GALK2: variants seen among roughly 807,000 people sequenced by gnomAD.
The protein encoded by GALK2 is N-acetylgalactosamine kinase.
Under a neutral mutation model 52.4 loss-of-function variants are expected in GALK2, and 36 were observed. That is an observed-to-expected ratio of 0.69 (90% confidence interval 0.53 to 0.91). GALK2 has a LOEUF of 0.91. GALK2 is among the 40% of genes least tolerant of loss of function. The probability of loss-of-function intolerance (pLI) is 0.00; values close to 1 mark genes in which losing one functional copy is unlikely to be tolerated. For missense variants in GALK2, 579 were observed against 559.1 expected (o/e 1.04, Z -0.36); for synonymous variants, 176 against 199.1 (o/e 0.88, Z 0.98).
In GALK2 at chr15:49,328,252, G is replaced by A; in HGVS notation, c.*93G>A. The A allele has an allele frequency of 6.8e-7, 1 of 1,481,272 alleles. No individual in the cohort carries two copies. The highest frequency in any genetic ancestry group is 9.0e-7 in the Non-Finnish European group (1 of 1,115,230). 91.8% of individuals were successfully genotyped at this position (1,481,272 alleles called of 1,614,324 possible). On this transcript the variant is annotated 3_prime_UTR_variant, in exon 10 of 10. Coordinates refer to ENST00000560031, the MANE Select transcript of GALK2 (RefSeq NM_002044.4). ...AGTAAATTAATCTTCCTTCTGTTTT[G>A]TATTATGATGAACGGTTGCTATTAT... is the stretch of plus-strand genomic sequence containing the variant.
chr15:49,253,383 CA>C (rs1231757602), intron 5 of GALK2, among the ~76,000 whole-genome samples: 2 of 144,148 alleles, frequency 1.4e-5, no homozygotes, highest in African/African-American at 5.0e-5. Context: ...TCAGAGGAAC[CA>C]AAACTGTGAC....
intron 1 of GALK2, among the ~76,000 whole-genome samples, chr15:49,160,660 C>G (rs1264910947): frequency 6.6e-6 from 1 of 152,012 alleles, no homozygotes; most frequent in Non-Finnish European, 1.5e-5. Context: ...GTCAAGAGAT[C>G]GAGACCATCC....
At chr15:49,301,974 A>T (rs1232315814) in intron 8 of GALK2, among the ~76,000 whole-genome samples, 2 of 152,204 alleles carry the variant, frequency 1.3e-5, no homozygotes, top group Non-Finnish European at 2.9e-5. Context: ...TTCCCACGTG[A>T]CCATTTACAC....
chr15:49,354,870 T>C (rs1395952947), intron 3 of GALK2, among the ~76,000 whole-genome samples: 1 of 151,912 alleles, frequency 6.6e-6, no homozygotes, highest in Non-Finnish European at 1.5e-5. Context: ...GCAGTGGTTC[T>C]CCCAGCATGC....
In GALK2 at chr15:49,234,315, T is replaced by C. The variant is rs528550200; in HGVS notation, c.267-1536T>C. 2.4e-4 allele frequency among the ~76,000 whole-genome samples: 36 copies of C among 152,326 alleles called. No homozygotes were observed. The Middle Eastern group carries it at 0.024, about 101-fold the overall frequency. On this transcript the variant is annotated intron_variant, in intron 3 of 9. Transcript: ENST00000560031. ...CCATGGATGTATGCTTAGTATATTG[T>C]ATCAAGGAGGCACAAAACATCCCTT...
At chr15:49,224,351 C>T (rs2141418612) in intron 3 of GALK2, among the ~76,000 whole-genome samples, 2 of 152,230 alleles carry the variant, frequency 1.3e-5, no homozygotes, top group Non-Finnish European at 2.9e-5. Flanking sequence ...TTAGGTCTCA[C>T]TTGTCAATTT....
intron 2 of GALK2, among the ~76,000 whole-genome samples, chr15:49,205,613 T>G (rs2088213523): frequency 6.6e-6 from 1 of 152,230 alleles, no homozygotes; most frequent in African/African-American, 2.4e-5. Flanking sequence ...TTGAGTTCAT[T>G]GTAGATTCTG....
chr15:49,292,549 G>A lies in GALK2; in HGVS notation c.967+12G>A, dbSNP rs1410100746. 1 of 1,607,738 alleles carries A rather than the reference G, an allele frequency of 6.2e-7. No individual in the cohort carries two copies. The highest frequency in any genetic ancestry group is 8.5e-7 in the Non-Finnish European group (1 of 1,174,802). On this transcript the variant is annotated intron_variant, in intron 8 of 9. Transcript: ENST00000560031. ...AAACACTCAAGATGGTGAGTTGGCTGGAGAAAGTATGATATATGTTATTCC... is the reference window on the plus strand; with the variant it reads ...AAACACTCAAGATGGTGAGTTGGCTAGAGAAAGTATGATATATGTTATTCC...
intron 8 of GALK2, among the ~76,000 whole-genome samples, chr15:49,307,083 CTGT>C (rs1422033898): frequency 2.0e-5 from 3 of 152,112 alleles, no homozygotes; most frequent in African/African-American, 7.2e-5. Flanking sequence ...ATGCCTCTGA[CTGT>C]TATGTTTTTG....
At chr15:49,260,888 G>A (rs1421161433) in intron 5 of GALK2, among the ~76,000 whole-genome samples, 1 of 152,008 alleles carries the variant, frequency 6.6e-6, no homozygotes, top group African/African-American at 2.4e-5. Context: ...GATATGTGGT[G>A]TTATTTCTGA....
At chr15:49,319,151 A>G (rs1011634772) in intron 8 of GALK2, 18 of 358,718 alleles carry the variant, frequency 5.0e-5, no homozygotes, top group Non-Finnish European at 1.1e-5. Flanking sequence ...ATGGGTTTTC[A>G]CCATGTTGGT....
At chr15:49,244,157 G>T (rs2091235919) in intron 5 of GALK2, among the ~76,000 whole-genome samples, 1 of 152,004 alleles carries the variant, frequency 6.6e-6, no homozygotes, top group East Asian at 1.9e-4. Flanking sequence ...GCCCAGGCTG[G>T]TCTCAAACTC....
intron 3 of GALK2, among the ~76,000 whole-genome samples, chr15:49,355,616 G>A (rs1227774093): frequency 1.3e-5 from 2 of 152,160 alleles, no homozygotes; most frequent in Non-Finnish European, 2.9e-5. Flanking sequence ...ACGTCTGACT[G>A]GTGTACCTGA....
At chr15:49,359,910 T>TA (rs2043880857) in intron 3 of GALK2, among the ~76,000 whole-genome samples, 1 of 148,226 alleles carries the variant, frequency 6.7e-6, no homozygotes, top group African/African-American at 2.5e-5. Context: ...TACGCAGCCA[T>TA]AAAAAATTAT....
At chr15:49,366,710 G>A in intron 3 of GALK2, 4 of 1,261,296 alleles carry the variant, frequency 3.2e-6, no homozygotes, top group Non-Finnish European at 4.5e-6. Context: ...CGGGTGGGGT[G>A]GCGCGGCGCG....
chr15:49,165,557 ATAATTGAGATATGCTG>A (rs540496203), upstream of GALK2, among the ~76,000 whole-genome samples: 61 of 152,294 alleles, frequency 4.0e-4, no homozygotes, highest in Admixed American at 2.0e-3. Flanking sequence ...GTTTCTCATC[ATAATTGAGATATGCTG>A]TAATTGAGAT....
intron 3 of GALK2, among the ~76,000 whole-genome samples, chr15:49,338,300 C>A (rs933964358): frequency 1.3e-5 from 2 of 151,970 alleles, no homozygotes; most frequent in African/African-American, 2.4e-5. Context: ...GTGCTTCTTT[C>A]AGCTCTTGGA....
intron 1 of GALK2, 49 bp from the exon 2 acceptor site, chr15:49,201,113 C>G (rs376528974): frequency 2.1e-6 from 2 of 953,172 alleles, no homozygotes; most frequent in African/African-American, 3.3e-5. Context: ...TGTTATGTTA[C>G]GGATTTTCTG....
At chr15:49,352,882 T>C (rs751406309) in intron 3 of GALK2, among the ~76,000 whole-genome samples, 22 of 152,214 alleles carry the variant, frequency 1.4e-4, no homozygotes, top group Non-Finnish European at 3.1e-4. Context: ...CTGGAATTTC[T>C]TGGTTTTGAG....
Sources: allele counts gnomAD v4.1 joint callset (sites outside exome capture counted in the v4.1 genomes callset), GRCh38; gene constraint gnomAD v4.1.1; transcripts MANE v1.5; gene names NCBI Gene and HGNC (gene_info 2026-07-23, HGNC 2026-07-21).